Variants in EP300 observed in about 807,000 individuals in gnomAD.
The protein encoded by EP300 is histone acetyltransferase p300.
A neutral mutation model predicts 264.0 loss-of-function variants in EP300; 31 were observed. That is an observed-to-expected ratio of 0.12 (90% confidence interval 0.09 to 0.16). EP300 has a LOEUF of 0.16. EP300 is among the 10% of genes least tolerant of loss of function. The pLI is 1.00. For missense variants in EP300, 2,766 were observed against 3,052.9 expected, an observed-to-expected ratio of 0.91 and a Z score of 2.21; for synonymous variants, 1,340 against 1,045.4, an observed-to-expected ratio of 1.28 and a Z score of -5.44.
intron 27 of EP300, 106 bp from the exon 28 acceptor site, chr22:41,172,393 C>T: frequency 9.4e-7 from 1 of 1,060,292 alleles, no homozygotes; most frequent in Non-Finnish European, 1.4e-6. Flanking sequence ...TGCCAGCTTT[C>T]AAGACATTTT....
At chr22:41,117,961 A>C (rs921231286) in intron 2 of EP300, 140 bp downstream of exon 2, 2 of 1,378,704 alleles carry the variant, frequency 1.5e-6, no homozygotes, top group African/African-American at 2.9e-5. Context: ...AGTTTTAAGA[A>C]GTGCCTGTAT....
rs775703248 is a variant in EP300 at position 41,093,077 on chromosome 22, G to C, written c.73G>C (p.Ala25Pro). 1.2e-6 allele frequency: 2 copies of C among 1,614,126 alleles called. No homozygotes were observed. Among genetic ancestry groups the C allele is most frequent in the Admixed American group, 3.3e-5 (2 of 60,026 alleles). Residue 25 changes from alanine (A) to proline (P), a missense_variant, in exon 1 of 31, where the codon GCG becomes CCG. By Grantham distance (27) the Ala-to-Pro change is conservative. Coordinates refer to ENST00000263253, the MANE Select transcript of EP300 (RefSeq NM_001429.4). ...TAAACTCTCATCTCCGGCCCTCTCG[G>C]CGTCCGCCAGCGATGGCACAGGTTA... The part of the protein sequence containing the change: ...RPKLSSPALS[A>P]SASDGTDFGS...
At chr22:41,129,366 T>C (rs1436072708) in intron 4 of EP300, among the ~76,000 whole-genome samples, 1 of 152,220 alleles carries the variant, frequency 6.6e-6, no homozygotes, top group Non-Finnish European at 1.5e-5. Flanking sequence ...AGAGAATAAA[T>C]TTTAAAGGTC....
intron 6 of EP300, among the ~76,000 whole-genome samples, chr22:41,134,740 T>C (rs1273568254): frequency 6.6e-6 from 1 of 152,216 alleles, no homozygotes; most frequent in Non-Finnish European, 1.5e-5. Context: ...TAAGCAGGAC[T>C]AGGAAAAGGG....
rs183335658 is a variant in EP300 at position 41,121,726 on chromosome 22, T to G, written c.729+3905T>G. ...TGCAATCATGAAGGACCAGATTGTT[T>G]GGGGAAATATTTGGATAAAGACATT... On this transcript the variant is annotated intron_variant, in intron 2 of 30. Transcript: ENST00000263253. 9.9e-5 allele frequency among the ~76,000 whole-genome samples: 15 copies of G among 152,264 alleles called. 1 individual carries two copies. Among genetic ancestry groups the G allele is most frequent in the African/African-American group, 3.6e-4 (15 of 41,544 alleles).
chr22:41,172,437 C>G (rs2145769716), intron 27 of EP300, 62 bp from the exon 28 acceptor site: 2 of 1,416,650 alleles, frequency 1.4e-6, no homozygotes, highest in East Asian at 4.6e-5. Flanking sequence ...CATGATTATT[C>G]TGTATAATCA....
intron 27 of EP300, among the ~76,000 whole-genome samples, chr22:41,172,141 G>T (rs2059174396): frequency 6.6e-6 from 1 of 152,150 alleles, no homozygotes; most frequent in African/African-American, 2.4e-5. Flanking sequence ...TGTGAGGAGG[G>T]CATGCTTCAT....
chr22:41,158,660 A>C, intron 19 of EP300, 160 bp downstream of exon 19: 1 of 654,028 alleles, frequency 1.5e-6, no homozygotes, highest in East Asian at 2.8e-5. Context: ...TTGTTTGCAG[A>C]ACAATAAAAT....
At chr22:41,173,593 T>C (rs1358807012) in intron 28 of EP300, 30 bp from the exon 29 acceptor site, 30 of 1,613,020 alleles carry the variant, frequency 1.9e-5, no homozygotes, top group East Asian at 2.2e-5. Context: ...AAAAACCTTA[T>C]TTTCTTGTCT....
chr22:41,158,340 G>C lies in EP300; in HGVS notation c.3502-72G>C, dbSNP rs144821249. 2,416 of 1,219,588 alleles carry C rather than the reference G, an allele frequency of 2.0e-3. 6 individuals carry two copies. Among genetic ancestry groups the C allele is most frequent in the Non-Finnish European group, 2.5e-3 (2,076 of 831,480 alleles). The allele number at this position is 1,219,588 out of a possible 1,614,324, so 75.5% of individuals were successfully genotyped here. On this transcript the variant is annotated intron_variant, in intron 18 of 30. Coordinates refer to ENST00000263253, the MANE Select transcript of EP300 (RefSeq NM_001429.4). ...TAAGACACCACTGACTTCTGTTTCTGACTTGCCATTCTTACTGTTCTAGCT... is the reference window on the plus strand; with the variant it reads ...TAAGACACCACTGACTTCTGTTTCTCACTTGCCATTCTTACTGTTCTAGCT...
intron 1 of EP300, among the ~76,000 whole-genome samples, chr22:41,098,182 C>T (rs9619937): frequency 0.018 from 2,695 of 152,096 alleles, 75 homozygotes; most frequent in African/African-American, 0.062. Flanking sequence ...CATTGAACTT[C>T]GCAGGTGATT....
Position 41,167,576 on chromosome 22 carries a change from GTGTGTGTGTATATATA to G in EP300, c.3875-871_3875-856del, listed in dbSNP as rs1321088991. 6.0e-3 allele frequency among the ~76,000 whole-genome samples: 177 copies of G among 29,368 alleles called. 1 individual carries two copies. The highest frequency in any genetic ancestry group is 0.022 in the African/African-American group (171 of 7,808). 19.3% of individuals were successfully genotyped at this position (29,368 alleles called of 152,430 possible). ...TTTATATATTTGTGTGTGTGTGTGTGTGTGTGTGTATATATATATATATATATATATATATATATAT... is the reference window on the plus strand; with the variant it reads ...TTTATATATTTGTGTGTGTGTGTGTGTATATATATATATATATATATATAT... On this transcript the variant is annotated intron_variant, in intron 23 of 30. Coordinates refer to ENST00000263253, the MANE Select transcript of EP300 (RefSeq NM_001429.4).
At chr22:41,098,817 T>C (rs2058715948) in intron 1 of EP300, among the ~76,000 whole-genome samples, 1 of 152,120 alleles carries the variant, frequency 6.6e-6, no homozygotes, top group South Asian at 2.1e-4. Flanking sequence ...TTGGGCCAAA[T>C]ACTTAACCTG....
intron 2 of EP300, among the ~76,000 whole-genome samples, chr22:41,125,209 C>T (rs555305258): frequency 7.3e-5 from 11 of 150,522 alleles, no homozygotes; most frequent in Admixed American, 3.3e-4. Context: ...AGCTCCGCCT[C>T]CCGGGTTCAC....
chr22:41,096,157 C>T (rs1014996173), intron 1 of EP300, among the ~76,000 whole-genome samples: 19 of 151,616 alleles, frequency 1.3e-4, no homozygotes, highest in African/African-American at 4.1e-4. Context: ...TTCTCCCTCT[C>T]CCTCCAAAAA....
chr22:41,177,522 G>A lies in EP300; in HGVS notation c.5811G>A (p.Glu1937=), dbSNP rs2145517853. ...CAATGCAGATTCAGAGAGCAGCGGA[G>A]ACGCAGCGCCAGATGGCCCACGTGC... is the stretch of plus-strand genomic sequence containing the variant. ...EMAMQIQRAA[E]TQRQMAHVQI... is the part of the protein sequence containing the mutation. The change falls in exon 31 of 31, where the codon GAG becomes GAA. Residue 1937 remains glutamate (E), a synonymous_variant. Transcript: ENST00000263253. 6.2e-7 allele frequency: 1 copy of A among 1,614,194 alleles called. No homozygotes were observed. Among genetic ancestry groups the A allele is most frequent in the Non-Finnish European group, 8.5e-7 (1 of 1,180,048 alleles).
At chr22:41,176,578 TGA>T in intron 30 of EP300, 50 bp downstream of exon 30, 1 of 1,611,838 alleles carries the variant, frequency 6.2e-7, no homozygotes, top group Non-Finnish European at 8.5e-7. Context: ...AGGGTTGTTC[TGA>T]GGGGCCATGC....
chr22:41,155,166 A>C, intron 17 of EP300, 53 bp downstream of exon 17: 1 of 1,241,204 alleles, frequency 8.1e-7, no homozygotes, highest in South Asian at 1.2e-5. Flanking sequence ...TAACAGCTTT[A>C]TTGAGAGATA....
At chr22:41,123,862 C>T (rs1601602349) in intron 2 of EP300, among the ~76,000 whole-genome samples, 1 of 152,274 alleles carries the variant, frequency 6.6e-6, no homozygotes, top group East Asian at 1.9e-4. Context: ...AAACGTTTGA[C>T]TTTAGAATAA....
Sources: allele counts gnomAD v4.1 joint callset (sites outside exome capture counted in the v4.1 genomes callset), GRCh38; gene constraint gnomAD v4.1.1; transcripts MANE v1.5; gene names NCBI Gene and HGNC (gene_info 2026-07-23, HGNC 2026-07-21).